Variants in CHD9 observed in about 807,000 individuals in gnomAD.
CHD9 encodes the protein chromodomain helicase DNA binding protein 9, also known as ATP-dependent chromatin remodeler CHD9.
CHD9 carries 77 observed loss-of-function variants against 316.1 expected under a neutral mutation model. The ratio of observed to expected loss-of-function variants is 0.24; its 90% CI spans 0.20 to 0.29. The LOEUF is 0.29. CHD9 is among the 10% of genes least tolerant of loss of function. The pLI, the probability that CHD9 is intolerant of heterozygous loss-of-function variation, is 1.00. For synonymous variants in CHD9, 1,129 were observed against 1,158.3 expected, an observed-to-expected ratio of 0.97 and a Z score of 0.51; for missense variants, 2,763 against 3,438.1, an observed-to-expected ratio of 0.80 and a Z score of 4.91.
chr16:53,114,713 G>A (rs910082164), intron 1 of CHD9, among the ~76,000 whole-genome samples: 3 of 152,178 alleles, frequency 2.0e-5, no homozygotes, highest in East Asian at 1.9e-4. Flanking sequence ...TCAGCCTCGC[G>A]AGTAGCTGGG....
intron 12 of CHD9, among the ~76,000 whole-genome samples, chr16:53,239,421 C>T (rs183118131): frequency 2.0e-5 from 3 of 151,008 alleles, no homozygotes; most frequent in South Asian, 2.1e-4. Flanking sequence ...CCCATCTCTA[C>T]GAAAAAATTA....
intron 1 of CHD9, among the ~76,000 whole-genome samples, chr16:53,129,487 A>C (rs2039118942): frequency 2.0e-5 from 3 of 152,192 alleles, no homozygotes; most frequent in Admixed American, 1.3e-4. Context: ...TCTCAGCTAA[A>C]TAGAGTTATG....
intron 1 of CHD9, among the ~76,000 whole-genome samples, chr16:53,062,807 G>A (rs549501537): frequency 7.9e-5 from 12 of 152,298 alleles, no homozygotes; most frequent in Non-Finnish European, 1.5e-4. Context: ...AAGGAGGGCT[G>A]ATCACCTGAG....
intron 1 of CHD9, among the ~76,000 whole-genome samples, chr16:53,056,667 C>T (rs1431249151): frequency 6.6e-6 from 1 of 152,244 alleles, no homozygotes; most frequent in Non-Finnish European, 1.5e-5. Context: ...TTCACAAACA[C>T]TAGCTATCAC....
intron 1 of CHD9, among the ~76,000 whole-genome samples, chr16:53,126,988 T>A (rs548818256): frequency 6.8e-6 from 1 of 147,792 alleles, no homozygotes; most frequent in South Asian, 2.2e-4. Flanking sequence ...CAGGTCTCAC[T>A]TTTTCACCCA....
intron 1 of CHD9, among the ~76,000 whole-genome samples, chr16:53,095,627 A>C (rs1325590842): frequency 6.6e-6 from 1 of 152,132 alleles, no homozygotes; most frequent in African/African-American, 2.4e-5. Flanking sequence ...TTTTCTCATA[A>C]TATTATGTGG....
intron 1 of CHD9, among the ~76,000 whole-genome samples, chr16:53,145,846 G>A (rs145524483): frequency 5.1e-4 from 78 of 152,100 alleles, no homozygotes; most frequent in Non-Finnish European, 8.7e-4. Context: ...ACAATCGTAC[G>A]TGGGCCATAA....
intron 3 of CHD9, among the ~76,000 whole-genome samples, chr16:53,215,431 A>G (rs925128099): frequency 6.6e-6 from 1 of 152,204 alleles, no homozygotes; most frequent in African/African-American, 2.4e-5. Flanking sequence ...TAAGGATTAC[A>G]GTTTTAACTC....
At position 53,324,448 on chromosome 16, in the gene CHD9, G is replaced by A. The variant is rs201017815; in HGVS notation, c.8247G>A (p.Glu2749=). The A allele has an allele frequency of 5.6e-6, 9 of 1,613,902 alleles. No individual in the cohort carries two copies. Among genetic ancestry groups the A allele is most frequent in the Non-Finnish European group, 6.8e-6 (8 of 1,179,902 alleles). ...TEDKKGSDSK[E]SEGKTERTES... Reference sequence around the variant, plus strand: ...ACAAAAAGGGAAGTGACTCTAAGGAGTCAGAAGGAAAAACAGAAAGGACAG... The same window carrying A: ...ACAAAAAGGGAAGTGACTCTAAGGAATCAGAAGGAAAAACAGAAAGGACAG... Residue 2749 remains glutamate, a synonymous_variant, in exon 39 of 39, where the codon GAG becomes GAA. Coordinates refer to ENST00000447540, the MANE Select transcript of CHD9 (RefSeq NM_001308319.2).
chr16:53,232,865 C>A (rs566421466), intron 10 of CHD9, among the ~76,000 whole-genome samples: 1 of 152,280 alleles, frequency 6.6e-6, no homozygotes, highest in East Asian at 1.9e-4. Flanking sequence ...ATACTGATAG[C>A]CTGTTTTGTT....
At chr16:53,066,407 T>C (rs2033516617) in intron 1 of CHD9, among the ~76,000 whole-genome samples, 1 of 152,194 alleles carries the variant, frequency 6.6e-6, no homozygotes, top group Non-Finnish European at 1.5e-5. Flanking sequence ...GCAGACCTTT[T>C]ACCAGCCTTA....
At chr16:53,299,457 T>A (rs2055148444) in intron 30 of CHD9, 1 of 206,240 alleles carries the variant, frequency 4.8e-6, no homozygotes, top group African/African-American at 2.3e-5. Context: ...TGTGGACAGG[T>A]CTGATATCAA....
In CHD9 at chr16:53,158,135, T is replaced by C. The variant is rs190120840; in HGVS notation, c.1452+594T>C. On this transcript the variant is annotated intron_variant, in intron 2 of 38. Transcript: ENST00000447540. ...TAATGCTGACAAATTTATGGTGAAA[T>C]TGGTACCTACATGGCTTTGTTAATT... 2.1e-3 allele frequency among the ~76,000 whole-genome samples: 325 copies of C among 152,298 alleles called. 1 individual carries two copies. The highest frequency in any genetic ancestry group is 7.6e-3 in the African/African-American group (314 of 41,562).
At chr16:53,268,876 C>T (rs915669195) in intron 22 of CHD9, among the ~76,000 whole-genome samples, 6 of 152,142 alleles carry the variant, frequency 3.9e-5, no homozygotes, top group Non-Finnish European at 7.3e-5. Context: ...AAACATGGCT[C>T]AATGCAGCCT....
chr16:53,222,674 A>G lies in CHD9; in HGVS notation c.1815A>G (p.Gln605=), dbSNP rs61747626. The change falls in exon 4 of 39, where the codon CAA becomes CAG. Residue 605 remains glutamine, a synonymous_variant. Transcript: ENST00000447540. The part of the protein sequence containing the change: ...GKLIITLGKK[Q]KRKNESSDEI... ...TCATTATTACATTGGGTAAGAAACA[A>G]AAAAGAAAGAATGAGTCTTCAGATG... The G allele has an allele frequency of 3.3e-4, 523 of 1,569,692 alleles. No individual in the cohort carries two copies. Among genetic ancestry groups the G allele is most frequent in the Non-Finnish European group, 4.3e-4 (492 of 1,149,174 alleles).
At chr16:53,267,248 C>A in intron 20 of CHD9, 46 bp from the exon 21 acceptor site, 2 of 1,356,270 alleles carry the variant, frequency 1.5e-6, no homozygotes, top group Non-Finnish European at 9.9e-7. Context: ...CTGTTGTAAG[C>A]AAAATCATAA....
At chr16:53,242,575 A>G (rs1170310750) in intron 12 of CHD9, among the ~76,000 whole-genome samples, 4 of 152,216 alleles carry the variant, frequency 2.6e-5, no homozygotes, top group African/African-American at 9.6e-5. Context: ...CTTAAAAATT[A>G]TCATACAACA....
Position 53,092,173 on chromosome 16 carries a change from A to G in CHD9, c.-165+37096A>G, listed in dbSNP as rs765785908. Among the ~76,000 whole-genome samples, 161 of 152,182 alleles carry G rather than the reference A, an allele frequency of 1.1e-3. 2 individuals are homozygous for G. Among genetic ancestry groups the G allele is most frequent in the Non-Finnish European group, 3.4e-4 (23 of 68,026 alleles). On this transcript the variant is annotated intron_variant, in intron 1 of 38. Transcript: ENST00000447540. Reference sequence around the variant, plus strand: ...ATACCCTGGGAAGGCTGGGGGCTGCAGTTCATCTCCAGTAAATCAGCCAAG... The same window carrying G: ...ATACCCTGGGAAGGCTGGGGGCTGCGGTTCATCTCCAGTAAATCAGCCAAG...
intron 37 of CHD9, among the ~76,000 whole-genome samples, chr16:53,320,481 C>G (rs953746544): frequency 6.6e-6 from 1 of 152,102 alleles, no homozygotes; most frequent in Non-Finnish European, 1.5e-5. Context: ...AAGATCGTGC[C>G]ACTACACTCC....
Sources: gnomAD v4.1 joint callset for allele counts (sites outside exome capture counted in the v4.1 genomes callset) on GRCh38, gnomAD v4.1.1 for gene constraint, MANE v1.5 for transcripts, NCBI Gene and HGNC (gene_info 2026-07-23, HGNC 2026-07-21) for gene names.